Variants in KRTCAP3 observed in about 807,000 individuals in gnomAD.
KRTCAP3 encodes the protein keratinocyte-associated protein 3.
KRTCAP3 carries 18 observed loss-of-function variants against 20.5 expected under a neutral mutation model. The ratio of observed to expected loss-of-function variants is 0.88; its 90% CI spans 0.61 to 1.31. The LOEUF is 1.31. Ranked by LOEUF, KRTCAP3 falls within the 50% of genes most tolerant of loss-of-function variation. KRTCAP3 has a pLI of 0.00. For missense variants in KRTCAP3, 347 were observed against 310.4 expected, an observed-to-expected ratio of 1.12 and a Z score of -0.89; for synonymous variants, 167 against 133.7, an observed-to-expected ratio of 1.25 and a Z score of -1.72.
At position 27,443,169 on chromosome 2, in the gene KRTCAP3, C is replaced by T. The variant is rs745795576; in HGVS notation, c.369C>T (p.Asn123=). 36 of 1,613,974 alleles carry T rather than the reference C, an allele frequency of 2.2e-5. No homozygotes were observed. The highest frequency in any genetic ancestry group is 4.5e-5 in the East Asian group (2 of 44,890). ...TTGCTGTGTCACTCACTGTGGCCAA[C>T]GGTGGCCGCCGCCTTATTGCTGACT... The part of the protein sequence containing the change: ...LLLAVSLTVA[N]GGRRLIADCH... The change falls in exon 4 of 7, where the codon AAC becomes AAT. Residue 123 remains asparagine, a synonymous_variant. Transcript: ENST00000288873.
chr2:27,443,482 C>T lies in KRTCAP3; in HGVS notation c.565C>T (p.Leu189Phe). Residue 189 changes from leucine to phenylalanine, a missense_variant, in exon 5 of 7, where the codon CTC (leucine) becomes TTC (phenylalanine). Leu to Phe is a conservative substitution (Grantham distance 22). Coordinates refer to ENST00000288873, the MANE Select transcript of KRTCAP3 (RefSeq NM_173853.4). ...ALSGYCCVAA[L>F]TLRGVGPCRK... ...ATCTGGTTACTGCTGTGTGGCTGCACTCACTCTACGTGGAGTTGGGCCCTG... is the reference window on the plus strand; with the variant it reads ...ATCTGGTTACTGCTGTGTGGCTGCATTCACTCTACGTGGAGTTGGGCCCTG... The T allele has an allele frequency of 6.2e-7, 1 of 1,614,162 alleles. No homozygotes were observed. Among genetic ancestry groups the T allele is most frequent in the South Asian group, 1.1e-5 (1 of 91,088 alleles).
Position 27,442,562 on chromosome 2 carries a change from T to G in KRTCAP3, c.29-17T>G. ...CTCCCCGCCCGACTCAACCCTGCCC[T>G]CCCCCGTGCTTTGCAGACGCCGCCC... On this transcript the variant is annotated splice_polypyrimidine_tract_variant and intron_variant, in intron 1 of 6. Coordinates refer to ENST00000288873, the MANE Select transcript of KRTCAP3 (RefSeq NM_173853.4). The G allele has an allele frequency of 6.6e-7, 1 of 1,521,448 alleles. No individual in the cohort carries two copies. The highest frequency in any genetic ancestry group is 8.8e-7 in the Non-Finnish European group (1 of 1,133,516). The allele number at this position is 1,521,448 out of a possible 1,614,324, so 94.2% of individuals were successfully genotyped here.
At position 27,442,676 on chromosome 2, in the gene KRTCAP3, C is replaced by T. The variant is rs1664681742; in HGVS notation, c.126C>T (p.Thr42=). ...NLLLGAVLHG[T]VLRHVANPRG... ...TGCTGGGGGCCGTGCTGCATGGCAC[C>T]GTCCTGCGGCACGTGGCCAATCCCC... The change falls in exon 2 of 7, where the codon ACC becomes ACT. Residue 42 remains threonine (T), a synonymous_variant. Coordinates refer to ENST00000288873, the MANE Select transcript of KRTCAP3 (RefSeq NM_173853.4). 7 of 1,584,564 alleles carry T rather than the reference C, an allele frequency of 4.4e-6. No homozygotes were observed. The highest frequency in any genetic ancestry group is 6.0e-6 in the Non-Finnish European group (7 of 1,164,648).
At chr2:27,444,914 G>A, downstream of KRTCAP3, 10 of 1,310,308 alleles carry the variant, frequency 7.6e-6, no homozygotes, top group South Asian at 8.4e-5. Context: ...CTCCCAAAGT[G>A]CTGGGATTAA....
In KRTCAP3 at chr2:27,444,212, A is replaced by G. The variant is rs1285034609; in HGVS notation, c.*32A>G. 1.1e-5 allele frequency: 7 copies of G among 661,814 alleles called. No homozygotes were observed. In the African/African-American group the frequency reaches 1.1e-4, roughly 10 times the overall value. 41.0% of individuals were successfully genotyped at this position (661,814 alleles called of 1,614,324 possible). ...AGGTGCTGTTCCGAGACTCAGTCCT[A>G]AAGGGTTTTTTTTCCCACTAAGCAA... On this transcript the variant is annotated 3_prime_UTR_variant, in exon 7 of 7. Transcript: ENST00000288873.
rs1164979765 is a variant in KRTCAP3, at chr2:27,442,837, C to T, written c.214-5C>T. 4 of 1,611,884 alleles carry T rather than the reference C, an allele frequency of 2.5e-6. No individual in the cohort carries two copies. The Admixed American group carries it at 6.7e-5, about 27-fold the overall frequency. On this transcript the variant is annotated splice_region_variant and splice_polypyrimidine_tract_variant and intron_variant, in intron 2 of 6. Coordinates refer to ENST00000288873, the MANE Select transcript of KRTCAP3 (RefSeq NM_173853.4). ...AGCAGGCCAAAGGCTTTGTGTCTTC[C>T]ACAGAGCGTTTCCGTGGGACTTGTG...
chr2:27,445,023 C>T, downstream of KRTCAP3: 2 of 1,614,022 alleles, frequency 1.2e-6, no homozygotes, highest in Non-Finnish European at 1.7e-6. This position sits in a 1 kb window ranked among gnomAD's most constrained non-coding sequence, Gnocchi z 4.4. Context: ...CCTTGATGGC[C>T]ATAAGGAATT....
At chr2:27,442,470 C>T (rs1309338970) in intron 1 of KRTCAP3, 30 bp downstream of exon 1, 3 of 1,562,292 alleles carry the variant, frequency 1.9e-6, no homozygotes, top group East Asian at 2.4e-5. Context: ...GTCTCGTCTC[C>T]TTACCCTGGG....
chr2:27,445,008 T>G, downstream of KRTCAP3: 1 of 1,613,836 alleles, frequency 6.2e-7, no homozygotes, highest in Non-Finnish European at 8.5e-7. This position sits in a 1 kb window ranked among gnomAD's most constrained non-coding sequence, Gnocchi z 4.4. Context: ...AGTCCTCCTC[T>G]CTAACCTTGA....
chr2:27,444,189 G>C lies in KRTCAP3; in HGVS notation c.*9G>C. Reference sequence around the variant, plus strand: ...GTTGGTTCTCCCCTCTGTCCAGCAGGTGCTGTTCCGAGACTCAGTCCTAAA... The same window carrying C: ...GTTGGTTCTCCCCTCTGTCCAGCAGCTGCTGTTCCGAGACTCAGTCCTAAA... On this transcript the variant is annotated 3_prime_UTR_variant, in exon 7 of 7. Coordinates refer to ENST00000288873, the MANE Select transcript of KRTCAP3 (RefSeq NM_173853.4). 1.4e-6 allele frequency: 1 copy of C among 691,912 alleles called. No individual in the cohort carries two copies. Among genetic ancestry groups the C allele is most frequent in the Non-Finnish European group, 2.6e-6 (1 of 391,682 alleles). The allele number at this position is 691,912 out of a possible 1,614,324, so 42.9% of individuals were successfully genotyped here. A position where few individuals can be genotyped will look rare whatever the true frequency, so the allele number is the denominator to read the frequency against.
downstream of KRTCAP3, chr2:27,444,581 T>C (rs1664861397): frequency 7.5e-7 from 1 of 1,334,508 alleles, no homozygotes; most frequent in Non-Finnish European, 1.1e-6. Context: ...CAAAATCAGC[T>C]CCATCGCAGG....
intron 3 of KRTCAP3, 26 bp from the exon 4 acceptor site, chr2:27,443,048 T>C (rs1412924237): frequency 6.2e-7 from 1 of 1,603,150 alleles, no homozygotes; most frequent in Non-Finnish European, 8.5e-7. Context: ...CCCAGGCTGC[T>C]CACCCTGATC....
downstream of KRTCAP3, chr2:27,446,419 T>C: frequency 1.4e-6 from 2 of 1,397,098 alleles, no homozygotes; most frequent in East Asian, 2.3e-5. Context: ...AGACCAATGA[T>C]CCTGTAAGGC....
chr2:27,442,432 G>A lies in KRTCAP3; in HGVS notation c.20G>A (p.Cys7Tyr). Residue 7 changes from cysteine (C) to tyrosine (Y), a missense_variant, in exon 1 of 7, where the codon TGC becomes TAC. Transcript: ENST00000288873. ...GACGGGATGAGGCGCTGCAGTCTCT[G>A]CGCTTTCGGTAACTTCCGGGCCCTG... MRRCSL[C>Y]AFDAARGPRR... 6.4e-7 allele frequency: 1 copy of A among 1,569,960 alleles called. No homozygotes were observed. Among genetic ancestry groups the A allele is most frequent in the Non-Finnish European group, 8.6e-7 (1 of 1,158,310 alleles).
downstream of KRTCAP3, chr2:27,445,273 T>C (rs959229695): frequency 6.9e-6 from 11 of 1,600,836 alleles, no homozygotes; most frequent in Non-Finnish European, 8.5e-6. This position sits in a 1 kb window ranked among gnomAD's most constrained non-coding sequence, Gnocchi z 4.4. Flanking sequence ...CCACAGGATC[T>C]GGGGTGCTGT....
chr2:27,445,178 G>C (rs916432121), downstream of KRTCAP3: 60 of 1,597,874 alleles, frequency 3.8e-5, 1 homozygote, highest in East Asian at 6.7e-4. The surrounding 1 kb of genome is among the most constrained non-coding windows in gnomAD (Gnocchi z 4.4). Flanking sequence ...AGCAGCCTGG[G>C]GGGTAGAAAG....
downstream of KRTCAP3, chr2:27,444,483 G>T (rs1161932262): frequency 6.2e-7 from 1 of 1,613,720 alleles, no homozygotes; most frequent in South Asian, 1.1e-5. Context: ...ACTGACTGAT[G>T]AATTTCAGCA....
At position 27,443,990 on chromosome 2, in the gene KRTCAP3, G is replaced by A; in HGVS notation, c.657G>A (p.Arg219=). The change falls in exon 6 of 7, where the codon AGG becomes AGA. Residue 219 remains arginine (R), a synonymous_variant. Transcript: ENST00000288873. ...MTELESPKCK[R]QENEQLLDQN... ...AGCTTGAATCTCCTAAATGTAAAAG[G>A]CAGGAAAATGAGCAGCTACTGGATC... The A allele has an allele frequency of 1.2e-6, 2 of 1,613,716 alleles. No homozygotes were observed. The highest frequency in any genetic ancestry group is 1.7e-6 in the Non-Finnish European group (2 of 1,179,604).
downstream of KRTCAP3, chr2:27,445,069 C>T (rs775719395): frequency 9.9e-6 from 16 of 1,614,022 alleles, no homozygotes; most frequent in Admixed American, 1.7e-5. This position sits in a 1 kb window ranked among gnomAD's most constrained non-coding sequence, Gnocchi z 4.4. Flanking sequence ...CTTCCCTGGC[C>T]GCTTAAATTC....
Sources: allele counts gnomAD v4.1 joint callset, GRCh38; gene constraint gnomAD v4.1.1; non-coding constraint Gnocchi (gnomAD v3.1); transcripts MANE v1.5; gene names NCBI Gene and HGNC (gene_info 2026-07-23, HGNC 2026-07-21).